BMAL1: variants seen among roughly 807,000 people sequenced by gnomAD.
BMAL1 encodes basic helix-loop-helix ARNT like 1.
chr11:13,299,665 G>T, the BMAL1 span, among the ~76,000 whole-genome samples: 1 of 152,158 alleles, frequency 6.6e-6, no homozygotes, highest in South Asian at 2.1e-4. Flanking sequence ...CAGAGGTGGA[G>T]TTGTCTTGGG....
the BMAL1 span, among the ~76,000 whole-genome samples, chr11:13,360,135 A>G: frequency 6.6e-6 from 1 of 152,188 alleles, no homozygotes; most frequent in Non-Finnish European, 1.5e-5. Flanking sequence ...CCTGTGGGTA[A>G]CAGTGTTCTC....
chr11:13,358,665 T>TCC, the BMAL1 span: 2 of 1,374,742 alleles, frequency 1.5e-6, no homozygotes, highest in Admixed American at 5.5e-5. Context: ...AATGTTCCTA[T>TCC]CCCTAAGGCA....
At chr11:13,381,051 T>G in the BMAL1 span, 79 of 1,096,150 alleles carry the variant, frequency 7.2e-5, no homozygotes, top group Admixed American at 1.4e-4. Flanking sequence ...CAGAAAAAGC[T>G]TGCCAAACCC....
chr11:13,349,177 G>C, the BMAL1 span, among the ~76,000 whole-genome samples: 25 of 152,238 alleles, frequency 1.6e-4, no homozygotes, highest in Admixed American at 7.9e-4. Context: ...TCTTAACTTC[G>C]TGTGTGCCCA....
the BMAL1 span, chr11:13,355,354 A>G: frequency 6.7e-7 from 1 of 1,496,548 alleles, no homozygotes; most frequent in Non-Finnish European, 9.3e-7. Flanking sequence ...AGTGGGTATG[A>G]GGGCTGTGAG....
At chr11:13,379,096 ATAAAAAGAAAGCAC>A in the BMAL1 span, 1 of 152,370 alleles carries the variant, frequency 6.6e-6, no homozygotes, top group African/African-American at 2.4e-5. Flanking sequence ...GATTTAAACC[ATAAAAAGAAAGCAC>A]TATTTCCCAA....
the BMAL1 span, among the ~76,000 whole-genome samples, chr11:13,355,794 G>C: frequency 6.6e-6 from 1 of 152,128 alleles, no homozygotes; most frequent in Non-Finnish European, 1.5e-5. Context: ...AGGAACCCCA[G>C]GGCGTCTAAT....
the BMAL1 span, among the ~76,000 whole-genome samples, chr11:13,357,468 C>T: frequency 2.0e-5 from 3 of 152,218 alleles, no homozygotes; most frequent in African/African-American, 4.8e-5. This position sits in a 1 kb window ranked among gnomAD's most constrained non-coding sequence, Gnocchi z 4.8. Flanking sequence ...CTGTCAGGGG[C>T]CCCTATTGCA....
the BMAL1 span, among the ~76,000 whole-genome samples, chr11:13,381,439 A>T: frequency 6.6e-6 from 1 of 152,240 alleles, no homozygotes; most frequent in African/African-American, 2.4e-5. Context: ...AGGCTTGCTG[A>T]CATCCTCAGA....
At chr11:13,284,293 C>A in the BMAL1 span, among the ~76,000 whole-genome samples, 1 of 136,594 alleles carries the variant, frequency 7.3e-6, no homozygotes, top group Non-Finnish European at 1.5e-5. Context: ...CAGTTGTTCC[C>A]CAAATACATT....
At chr11:13,362,602 G>C in the BMAL1 span, among the ~76,000 whole-genome samples, 2 of 151,944 alleles carry the variant, frequency 1.3e-5, no homozygotes, top group Admixed American at 1.3e-4. Context: ...CCAGGCTCCC[G>C]ATCAAGTGAG....
the BMAL1 span, among the ~76,000 whole-genome samples, chr11:13,300,522 C>A: frequency 6.6e-6 from 1 of 152,112 alleles, no homozygotes; most frequent in Non-Finnish European, 1.5e-5. Flanking sequence ...AAAAGTAACT[C>A]GTGACTTGTT....
At chr11:13,316,008 G>A in the BMAL1 span, among the ~76,000 whole-genome samples, 1 of 152,198 alleles carries the variant, frequency 6.6e-6, no homozygotes, top group South Asian at 2.1e-4. Context: ...CCTTGTTAAG[G>A]TCTGTTCCTT....
At chr11:13,358,733 C>A in the BMAL1 span, 1 of 924,576 alleles carries the variant, frequency 1.1e-6, no homozygotes, top group Non-Finnish European at 1.5e-6. Context: ...TCTTCAGCAA[C>A]AGCCGTGATG....
chr11:13,366,944 T>TA, the BMAL1 span, among the ~76,000 whole-genome samples: 1 of 152,362 alleles, frequency 6.6e-6, no homozygotes, highest in South Asian at 2.1e-4. Context: ...AATGGAATTA[T>TA]TTATGTTCTT....
the BMAL1 span, among the ~76,000 whole-genome samples, chr11:13,362,602 G>A: frequency 1.3e-5 from 2 of 151,944 alleles, no homozygotes; most frequent in South Asian, 2.1e-4. Flanking sequence ...CCAGGCTCCC[G>A]ATCAAGTGAG....
At chr11:13,302,508 A>G in the BMAL1 span, among the ~76,000 whole-genome samples, 1 of 152,356 alleles carries the variant, frequency 6.6e-6, no homozygotes, top group South Asian at 2.1e-4. Context: ...ATGCTGAGGC[A>G]CAAGTGTGAC....
chr11:13,305,669 G>A, the BMAL1 span, among the ~76,000 whole-genome samples: 2 of 152,248 alleles, frequency 1.3e-5, no homozygotes, highest in South Asian at 4.2e-4. Flanking sequence ...GCACATCCTT[G>A]CCTTGTTCCT....
the BMAL1 span, among the ~76,000 whole-genome samples, chr11:13,285,403 A>C: frequency 6.6e-6 from 1 of 152,230 alleles, no homozygotes; most frequent in Non-Finnish European, 1.5e-5. Context: ...TGAATAGTGA[A>C]ACACGTTCAT....
Sources: allele counts gnomAD v4.1 joint callset (sites outside exome capture counted in the v4.1 genomes callset), GRCh38; gene constraint gnomAD v4.1.1; non-coding constraint Gnocchi (gnomAD v3.1); transcripts MANE v1.5; gene names NCBI Gene and HGNC (gene_info 2026-07-23, HGNC 2026-07-21).